AK9: variants seen among roughly 807,000 people sequenced by gnomAD.
The protein encoded by AK9 is adenylate kinase 9, also known as adenylate kinase domain containing 1.
Under a neutral mutation model 239.6 loss-of-function variants are expected in AK9, and 191 were observed. That is an observed-to-expected ratio of 0.80 (90% CI 0.71 to 0.90). AK9 has a LOEUF of 0.90. Among genes scored for constraint, AK9 ranks in the 40% least tolerant of loss-of-function variants. AK9 has a pLI of 0.00. For missense variants in AK9, 1,995 were observed against 2,214.7 expected (o/e 0.90, Z 1.99); for synonymous variants, 689 against 721.0 (o/e 0.96, Z 0.71).
chr6:109,679,501 G>T (rs1468279823), intron 1 of AK9, among the ~76,000 whole-genome samples: 1 of 152,128 alleles, frequency 6.6e-6, no homozygotes, highest in Non-Finnish European at 1.5e-5. Flanking sequence ...CAGAGCACCT[G>T]GGGGAAGGGG....
At chr6:109,624,778 T>A (rs1795313984) in intron 12 of AK9, among the ~76,000 whole-genome samples, 1 of 152,202 alleles carries the variant, frequency 6.6e-6, no homozygotes, top group Non-Finnish European at 1.5e-5. Context: ...TCTGCAGTTA[T>A]CTCTTTGGTA....
At chr6:109,625,390 A>G (rs1333736926) in intron 12 of AK9, among the ~76,000 whole-genome samples, 1 of 152,092 alleles carries the variant, frequency 6.6e-6, no homozygotes, top group Non-Finnish European at 1.5e-5. Flanking sequence ...TCAATGTTTT[A>G]TTCTATTTAA....
intron 20 of AK9, among the ~76,000 whole-genome samples, chr6:109,578,465 G>T (rs1302102195): frequency 6.6e-6 from 1 of 152,048 alleles, no homozygotes; most frequent in African/African-American, 2.4e-5. Flanking sequence ...TCTTTTCAAA[G>T]AACCAGCTTT....
chr6:109,639,026 C>T (rs551699746), intron 10 of AK9, among the ~76,000 whole-genome samples: 1 of 152,120 alleles, frequency 6.6e-6, no homozygotes, highest in South Asian at 2.1e-4. Flanking sequence ...GTATATGTGC[C>T]ACATTTTCTT....
chr6:109,566,890 G>C (rs920345383), intron 21 of AK9, among the ~76,000 whole-genome samples: 1 of 152,044 alleles, frequency 6.6e-6, no homozygotes, highest in Non-Finnish European at 1.5e-5. Context: ...ATGAGAACAA[G>C]GACACAACAT....
intron 17 of AK9, among the ~76,000 whole-genome samples, chr6:109,593,107 C>A (rs932068928): frequency 6.6e-6 from 1 of 151,956 alleles, no homozygotes; most frequent in Non-Finnish European, 1.5e-5. Context: ...GAAGCCCTGT[C>A]TTGCAGCTCT....
At chr6:109,553,193 CTTT>C (rs1784562554) in intron 24 of AK9, among the ~76,000 whole-genome samples, 1 of 152,086 alleles carries the variant, frequency 6.6e-6, no homozygotes, top group Non-Finnish European at 1.5e-5. Context: ...ACAGGATCTT[CTTT>C]GATTCCATAT....
chr6:109,590,057 T>C (rs1790016677), intron 17 of AK9, among the ~76,000 whole-genome samples: 1 of 152,154 alleles, frequency 6.6e-6, no homozygotes, highest in South Asian at 2.1e-4. Flanking sequence ...CTGGCTTTGG[T>C]ATCAGAGTGA....
At chr6:109,683,912 T>C in intron 1 of AK9, among the ~76,000 whole-genome samples, 1 of 152,310 alleles carries the variant, frequency 6.6e-6, no homozygotes, top group East Asian at 1.9e-4. Flanking sequence ...AAACTTCATG[T>C]GGAACCAAAA....
intron 5 of AK9, among the ~76,000 whole-genome samples, chr6:109,663,247 T>C (rs1488551277): frequency 6.6e-6 from 1 of 152,210 alleles, no homozygotes; most frequent in Non-Finnish European, 1.5e-5. Context: ...ACCATCATCA[T>C]ATTAATTTCC....
chr6:109,605,379 C>T (rs746860325), intron 17 of AK9, among the ~76,000 whole-genome samples: 28 of 152,146 alleles, frequency 1.8e-4, no homozygotes, highest in Non-Finnish European at 3.4e-4. Context: ...ATAAGGTATT[C>T]TGCTATCCTT....
chr6:109,610,336 G>A (rs1562490348), intron 17 of AK9, 29 bp downstream of exon 17: 1 of 1,546,790 alleles, frequency 6.5e-7, no homozygotes. Flanking sequence ...TTAAGTCACT[G>A]ATAAGAATTG....
intron 35 of AK9, among the ~76,000 whole-genome samples, chr6:109,502,314 C>G (rs1777679383): frequency 6.6e-6 from 1 of 152,096 alleles, no homozygotes; most frequent in African/African-American, 2.4e-5. Flanking sequence ...GAAATAGGGT[C>G]AGAGAAATAC....
intron 27 of AK9, among the ~76,000 whole-genome samples, chr6:109,537,834 C>T (rs1446291318): frequency 6.6e-6 from 1 of 152,044 alleles, no homozygotes; most frequent in Non-Finnish European, 1.5e-5. Flanking sequence ...CAAAGAACAT[C>T]TTTATTTCTG....
intron 27 of AK9, among the ~76,000 whole-genome samples, chr6:109,540,683 C>T (rs9320296): frequency 0.58 from 88,214 of 151,714 alleles, 27,310 homozygotes; most frequent in South Asian, 0.84. Context: ...ATCACCTGTC[C>T]TCTCCGTCGC....
Position 109,515,959 on chromosome 6 carries a change from G to A in AK9, c.3963C>T (p.Ser1321=). Reference sequence around the variant, plus strand: ...GTATTGGATGACATTTCTCAAAAATGCTTGCACGATTTTCCACCAGTGGTT... The same window carrying A: ...GTATTGGATGACATTTCTCAAAAATACTTGCACGATTTTCCACCAGTGGTT... ...KLKPLVENRA[S]IFEKCHPIPA... Residue 1321 remains serine, a synonymous_variant, in exon 31 of 41, where the codon AGC becomes AGT. Transcript: ENST00000424296. 6.4e-7 allele frequency: 1 copy of A among 1,551,628 alleles called. No individual in the cohort carries two copies.
chr6:109,655,941 G>T (rs1799643026), intron 8 of AK9, among the ~76,000 whole-genome samples: 1 of 152,140 alleles, frequency 6.6e-6, no homozygotes, highest in Non-Finnish European at 1.5e-5. Flanking sequence ...TTGGGGGATG[G>T]ATGTTGAGAA....
intron 13 of AK9, among the ~76,000 whole-genome samples, chr6:109,616,538 C>T (rs1236009184): frequency 9.3e-6 from 1 of 107,338 alleles, no homozygotes; most frequent in African/African-American, 2.8e-5. Context: ...CCCCCACACC[C>T]AACTAATTTT....
intron 17 of AK9, 44 bp downstream of exon 17, chr6:109,610,321 A>G: frequency 6.5e-7 from 1 of 1,529,374 alleles, no homozygotes; most frequent in Non-Finnish European, 8.9e-7. Context: ...TTTTCTCAGT[A>G]ATAGTTAAGT....
Sources: allele counts gnomAD v4.1 joint callset (sites outside exome capture counted in the v4.1 genomes callset), GRCh38; gene constraint gnomAD v4.1.1; transcripts MANE v1.5; gene names NCBI Gene and HGNC (gene_info 2026-07-23, HGNC 2026-07-21).